The following PEAK1 variants were observed in gnomAD, a reference collection of about 807,000 sequenced individuals.
The protein encoded by PEAK1 is inactive tyrosine-protein kinase PEAK1.
In PEAK1, 54 loss-of-function variants were observed where a neutral mutation model predicts 124.7. That is an observed-to-expected ratio of 0.43 (90% CI 0.35 to 0.54). The LOEUF (loss-of-function observed/expected upper bound fraction) is 0.54. Among genes scored for constraint, PEAK1 ranks in the 20% least tolerant of loss-of-function variants. PEAK1 has a pLI of 0.01. For missense variants in PEAK1, 2,046 were observed against 2,134.5 expected, an observed-to-expected ratio of 0.96 and a Z score of 0.82; for synonymous variants, 719 against 760.0, an observed-to-expected ratio of 0.95 and a Z score of 0.89.
At chr15:77,132,488 A>C (rs1017704606) in intron 9 of PEAK1, among the ~76,000 whole-genome samples, 2 of 151,994 alleles carry the variant, frequency 1.3e-5, no homozygotes, top group African/African-American at 4.8e-5. Flanking sequence ...TGAGATCAGG[A>C]GTTTGAGACC....
intron 9 of PEAK1, among the ~76,000 whole-genome samples, chr15:77,124,990 G>A (rs1489159363): frequency 6.6e-6 from 1 of 152,080 alleles, no homozygotes; most frequent in Non-Finnish European, 1.5e-5. Flanking sequence ...ATTATAATCT[G>A]TTTTAAGAGC....
Position 77,109,830 on chromosome 15 carries a change from T to G in PEAK1, c.*4326A>C, listed in dbSNP as rs1353655362. ...CAGGGTTGGCCCAGCAAGTCCAGTT[T>G]GTCTCACCCCTCTCCAAGAATGTTC... On this transcript the variant is annotated 3_prime_UTR_variant, in exon 10 of 10. Coordinates refer to ENST00000682557, the MANE Select transcript of PEAK1 (RefSeq NM_001385026.1). 6.6e-6 allele frequency: 1 copy of G among 152,220 alleles called. No individual in the cohort carries two copies. Among genetic ancestry groups the G allele is most frequent in the East Asian group, 1.9e-4 (1 of 5,192 alleles). The allele number at this position is 152,220 out of a possible 1,614,324, so 9.4% of individuals were successfully genotyped here. A position where few individuals can be genotyped will look rare whatever the true frequency, so the allele number is the denominator to read the frequency against.
chr15:77,251,621 A>C (rs553570270), intron 6 of PEAK1, among the ~76,000 whole-genome samples: 2 of 152,176 alleles, frequency 1.3e-5, no homozygotes, highest in Non-Finnish European at 2.9e-5. Context: ...ACGAAAAAAT[A>C]ATTGTTGAAG....
chr15:77,338,646 T>C (rs59496918), intron 2 of PEAK1, among the ~76,000 whole-genome samples: 1 of 114,988 alleles, frequency 8.7e-6, no homozygotes, highest in Non-Finnish European at 1.8e-5. Flanking sequence ...AAAAAAAAAA[T>C]ATATATATAT....
chr15:77,324,490 T>G (rs1204409804), intron 2 of PEAK1, among the ~76,000 whole-genome samples: 1 of 152,012 alleles, frequency 6.6e-6, no homozygotes, highest in Non-Finnish European at 1.5e-5. Flanking sequence ...TAAAATACTG[T>G]TTTTATACCA....
chr15:77,216,479 T>C (rs898356754), intron 6 of PEAK1, among the ~76,000 whole-genome samples: 3 of 152,240 alleles, frequency 2.0e-5, no homozygotes, highest in Admixed American at 2.0e-4. Context: ...ATCAACTTTA[T>C]AGTAAAGCTT....
At chr15:77,381,366 G>C (rs1398802255) in intron 1 of PEAK1, 1 of 760,208 alleles carries the variant, frequency 1.3e-6, no homozygotes, top group African/African-American at 1.9e-5. Context: ...AGTGCACTAT[G>C]ATGGTGCCTG....
At chr15:77,210,459 A>AT (rs2058852561) in intron 6 of PEAK1, among the ~76,000 whole-genome samples, 1 of 152,350 alleles carries the variant, frequency 6.6e-6, no homozygotes, top group East Asian at 1.9e-4. Context: ...CTCTACACTG[A>AT]TTTTGTCCTT....
At chr15:77,198,320 T>C (rs1166804339) in intron 6 of PEAK1, among the ~76,000 whole-genome samples, 1 of 152,222 alleles carries the variant, frequency 6.6e-6, no homozygotes, top group Non-Finnish European at 1.5e-5. Flanking sequence ...ATTTATCATA[T>C]CATGTTTATT....
At chr15:77,361,957 T>C (rs1029620271) in intron 2 of PEAK1, among the ~76,000 whole-genome samples, 3 of 151,960 alleles carry the variant, frequency 2.0e-5, no homozygotes, top group African/African-American at 7.2e-5. Flanking sequence ...TGGGACGTTA[T>C]GCTAAGTAAA....
At chr15:77,219,402 C>G (rs750101562) in intron 6 of PEAK1, among the ~76,000 whole-genome samples, 6 of 151,994 alleles carry the variant, frequency 3.9e-5, no homozygotes, top group Admixed American at 2.6e-4. Flanking sequence ...ATTATACAAG[C>G]AAATCAATGT....
intron 1 of PEAK1, among the ~76,000 whole-genome samples, chr15:77,412,020 A>T (rs1352088527): frequency 6.6e-6 from 1 of 152,218 alleles, no homozygotes; most frequent in Non-Finnish European, 1.5e-5. Flanking sequence ...AACCCCAAAC[A>T]TAACTTGGTA....
At chr15:77,192,997 G>A (rs1185078147) in intron 6 of PEAK1, among the ~76,000 whole-genome samples, 1 of 152,116 alleles carries the variant, frequency 6.6e-6, no homozygotes, top group Non-Finnish European at 1.5e-5. Flanking sequence ...ATATTTCACA[G>A]AATGAACATG....
chr15:77,198,778 G>A (rs1260960607), intron 6 of PEAK1, among the ~76,000 whole-genome samples: 1 of 152,134 alleles, frequency 6.6e-6, no homozygotes, highest in Non-Finnish European at 1.5e-5. Flanking sequence ...TGTCAGCAAA[G>A]GATGGTTTGA....
At chr15:77,207,765 G>A (rs945062120) in intron 6 of PEAK1, among the ~76,000 whole-genome samples, 11 of 152,276 alleles carry the variant, frequency 7.2e-5, no homozygotes, top group Non-Finnish European at 1.2e-4. Flanking sequence ...ACATTACACA[G>A]TTGTCATTAT....
At chr15:77,198,050 C>T (rs1466217421) in intron 6 of PEAK1, among the ~76,000 whole-genome samples, 1 of 151,866 alleles carries the variant, frequency 6.6e-6, no homozygotes, top group East Asian at 1.9e-4. Context: ...TAAAATTTAT[C>T]AAAACTTAAA....
At chr15:77,126,527 T>C (rs749726175) in intron 9 of PEAK1, among the ~76,000 whole-genome samples, 1 of 152,150 alleles carries the variant, frequency 6.6e-6, no homozygotes, top group South Asian at 2.1e-4. Flanking sequence ...GAAAGAATAA[T>C]AGTGAGTGAT....
In PEAK1 at chr15:77,252,311, T is replaced by C. The variant is rs1463486841; in HGVS notation, c.-115+56A>G. 3 of 908,720 alleles carry C rather than the reference T, an allele frequency of 3.3e-6. No individual in the cohort carries two copies. The African/African-American group carries it at 5.4e-5, about 16-fold the overall frequency. The allele number at this position is 908,720 out of a possible 1,614,324, so 56.3% of individuals were successfully genotyped here. A position where few individuals can be genotyped will look rare whatever the true frequency, so the allele number is the denominator to read the frequency against. ...CATTTAAACTTAAAAAGAAATTCTT[T>C]CCAGTCATCTAAAATTCTTGGTGGA... On this transcript the variant is annotated intron_variant, in intron 6 of 9. Coordinates refer to ENST00000682557, the MANE Select transcript of PEAK1 (RefSeq NM_001385026.1).
intron 1 of PEAK1, among the ~76,000 whole-genome samples, chr15:77,408,144 C>T (rs900752981): frequency 3.0e-5 from 2 of 65,990 alleles, no homozygotes; most frequent in Non-Finnish European, 5.8e-5. Flanking sequence ...CATGTATACA[C>T]ATATATACAT....
Sources: allele counts gnomAD v4.1 joint callset (sites outside exome capture counted in the v4.1 genomes callset), GRCh38; gene constraint gnomAD v4.1.1; transcripts MANE v1.5; gene names NCBI Gene and HGNC (gene_info 2026-07-23, HGNC 2026-07-21).